ACKR3: variants seen among roughly 807,000 people sequenced by gnomAD.
ACKR3 encodes C-X-C chemokine receptor type 7.
ACKR3 carries 6 observed loss-of-function variants against 22.4 expected under a neutral mutation model. That is an observed-to-expected ratio of 0.27 (90% CI 0.15 to 0.53). The LOEUF (loss-of-function observed/expected upper bound fraction) is 0.53, where lower values mean the gene tolerates loss of function less well. Among genes scored for constraint, ACKR3 ranks in the 20% least tolerant of loss-of-function variants. The pLI, the probability that ACKR3 is intolerant of heterozygous loss-of-function variation, is 0.96. For synonymous variants in ACKR3, 209 were observed against 205.2 expected (o/e 1.02, Z -0.16); for missense variants, 396 against 475.2 (o/e 0.83, Z 1.55).
At chr2:236,555,432 C>T in the ACKR3 span, among the ~76,000 whole-genome samples, 6 of 152,198 alleles carry the variant, frequency 3.9e-5, no homozygotes, top group South Asian at 4.1e-4. Flanking sequence ...TCATCCATAA[C>T]TGACCCGTTT....
At chr2:236,537,899 G>A in the ACKR3 span, among the ~76,000 whole-genome samples, 1 of 151,800 alleles carries the variant, frequency 6.6e-6, no homozygotes, top group East Asian at 1.9e-4. Flanking sequence ...AAGCAAGCAA[G>A]CAAATGTGCT....
the ACKR3 span, among the ~76,000 whole-genome samples, chr2:236,540,987 C>T: frequency 4.9e-4 from 75 of 152,336 alleles, no homozygotes; most frequent in African/African-American, 1.8e-3. Context: ...CTGGGGACAT[C>T]TTACTGCACA....
rs1691546528 is a variant in ACKR3, at chr2:236,581,806, G to A, written c.*252G>A. Reference sequence around the variant, plus strand: ...AGTGCTGTGCGTCAGAGCCAGCTGAGGACAGGCTTGCCTGGACTTCTGTAA... The same window carrying A: ...AGTGCTGTGCGTCAGAGCCAGCTGAAGACAGGCTTGCCTGGACTTCTGTAA... On this transcript the variant is annotated 3_prime_UTR_variant, in exon 2 of 2. Coordinates refer to ENST00000272928, the MANE Select transcript of ACKR3 (RefSeq NM_020311.3). This position sits in a 1 kb window ranked among gnomAD's most constrained non-coding sequence, Gnocchi z 4.4. 2 of 367,428 alleles carry A rather than the reference G, an allele frequency of 5.4e-6. No homozygotes were observed. The highest frequency in any genetic ancestry group is 4.4e-5 in the East Asian group (1 of 22,548). The allele number at this position is 367,428 out of a possible 1,614,324, so 22.8% of individuals were successfully genotyped here.
At chr2:236,541,268 T>C in the ACKR3 span, among the ~76,000 whole-genome samples, 1 of 152,252 alleles carries the variant, frequency 6.6e-6, no homozygotes, top group South Asian at 2.1e-4. Context: ...TCCAAAAATG[T>C]TACCACAACA....
At chr2:236,559,806 C>A in the ACKR3 span, among the ~76,000 whole-genome samples, 46,739 of 152,066 alleles carry the variant, frequency 0.31, 10,574 homozygotes, top group African/African-American at 0.65. Context: ...GTCCTTCAAC[C>A]GTCACATGGT....
chr2:236,573,380 A>G (rs1200265920), intron 1 of ACKR3, among the ~76,000 whole-genome samples: 1 of 152,086 alleles, frequency 6.6e-6, no homozygotes, highest in African/African-American at 2.4e-5. Flanking sequence ...GTCCCTGGAG[A>G]TGTTGGAAAG....
chr2:236,570,021 C>T (rs1221043557), intron 1 of ACKR3, 97 bp downstream of exon 1: 1 of 152,206 alleles, frequency 6.6e-6, no homozygotes, highest in East Asian at 1.9e-4. Context: ...TCTTTAAAAT[C>T]GCTCAGATGG....
At chr2:236,580,028 G>A (rs898966678) in intron 1 of ACKR3, among the ~76,000 whole-genome samples, 1 of 152,228 alleles carries the variant, frequency 6.6e-6, no homozygotes, top group African/African-American at 2.4e-5. Flanking sequence ...TGGGGACCTA[G>A]ATAAAATGGC....
At chr2:236,557,952 C>G in the ACKR3 span, among the ~76,000 whole-genome samples, 1 of 152,202 alleles carries the variant, frequency 6.6e-6, no homozygotes, top group African/African-American at 2.4e-5. Flanking sequence ...CTGTTATGTT[C>G]AGATGTGTCC....
At chr2:236,542,464 C>T in the ACKR3 span, among the ~76,000 whole-genome samples, 25 of 152,096 alleles carry the variant, frequency 1.6e-4, no homozygotes, top group Non-Finnish European at 3.4e-4. Context: ...TTTTAGGGAC[C>T]GACATCTCCC....
the ACKR3 span, among the ~76,000 whole-genome samples, chr2:236,554,379 T>C: frequency 2.0e-5 from 3 of 152,122 alleles, no homozygotes; most frequent in Non-Finnish European, 4.4e-5. Flanking sequence ...CAGGGAATAT[T>C]TGATTCAAAG....
chr2:236,557,588 GGA>G, the ACKR3 span, among the ~76,000 whole-genome samples: 4 of 152,034 alleles, frequency 2.6e-5, no homozygotes, highest in Non-Finnish European at 4.4e-5. Flanking sequence ...TGAGAGTAAT[GGA>G]TTATAACTCA....
chr2:236,578,121 G>A (rs1022468557), intron 1 of ACKR3, among the ~76,000 whole-genome samples: 7 of 152,214 alleles, frequency 4.6e-5, no homozygotes, highest in African/African-American at 1.4e-4. Flanking sequence ...ATCACGGGGT[G>A]GAGAGTGGAA....
chr2:236,556,118 G>T, the ACKR3 span, among the ~76,000 whole-genome samples: 1 of 152,164 alleles, frequency 6.6e-6, no homozygotes, highest in Non-Finnish European at 1.5e-5. Context: ...TCCATGTGGG[G>T]TGAGGGGAGC....
At position 236,574,953 on chromosome 2, in the gene ACKR3, G is replaced by A. The variant is rs1574974777; in HGVS notation, c.-27+5029G>A. The stretch of plus-strand genomic sequence containing the variant: ...GCTGGACAGGTGCTTGCCCACCGCC[G>A]GCCACGGGAAAGTTCTCTCCCTGTC... On this transcript the variant is annotated intron_variant, in intron 1 of 1. Coordinates refer to ENST00000272928, the MANE Select transcript of ACKR3 (RefSeq NM_020311.3). The surrounding 1 kb of genome is among the most constrained non-coding windows in gnomAD (Gnocchi z 5.6). 6.6e-6 allele frequency among the ~76,000 whole-genome samples: 1 copy of A among 152,148 alleles called. No homozygotes were observed. Among genetic ancestry groups the A allele is most frequent in the Non-Finnish European group, 1.5e-5 (1 of 68,022 alleles).
At chr2:236,578,644 C>T (rs551615088) in intron 1 of ACKR3, among the ~76,000 whole-genome samples, 2 of 152,236 alleles carry the variant, frequency 1.3e-5, no homozygotes, top group Non-Finnish European at 2.9e-5. Flanking sequence ...CAACAGTCTC[C>T]GCTAAGTGGG....
chr2:236,571,868 T>A (rs1691318494), intron 1 of ACKR3, among the ~76,000 whole-genome samples: 1 of 151,974 alleles, frequency 6.6e-6, no homozygotes, highest in Non-Finnish European at 1.5e-5. Context: ...TTGTAGAACA[T>A]GAGGGGAATC....
chr2:236,554,175 C>T, the ACKR3 span, among the ~76,000 whole-genome samples: 4 of 152,330 alleles, frequency 2.6e-5, no homozygotes, highest in Middle Eastern at 3.4e-3. Context: ...GTGAGTAAGA[C>T]ATAGTCCCTT....
At chr2:236,571,970 T>C (rs1458077179) in intron 1 of ACKR3, among the ~76,000 whole-genome samples, 1 of 152,182 alleles carries the variant, frequency 6.6e-6, no homozygotes, top group Non-Finnish European at 1.5e-5. Flanking sequence ...ACGCCTTCAA[T>C]TGGATTGCAC....
Sources: gnomAD v4.1 joint callset for allele counts (sites outside exome capture counted in the v4.1 genomes callset) on GRCh38, gnomAD v4.1.1 for gene constraint, Gnocchi (gnomAD v3.1) non-coding constraint, MANE v1.5 for transcripts, NCBI Gene and HGNC (gene_info 2026-07-23, HGNC 2026-07-21) for gene names.